Variants in SNCAIP observed in about 807,000 individuals in gnomAD.
SNCAIP encodes the protein synphilin-1.
In SNCAIP, 43 loss-of-function variants were observed where a neutral mutation model predicts 86.7. That is an observed-to-expected ratio of 0.50 (90% confidence interval 0.39 to 0.64). The LOEUF (loss-of-function observed/expected upper bound fraction) is 0.64, where lower values mean the gene tolerates loss of function less well. SNCAIP is among the 30% of genes least tolerant of loss of function. The pLI, the probability that SNCAIP is intolerant of heterozygous loss-of-function variation, is 0.00. For synonymous variants in SNCAIP, 417 were observed against 427.2 expected, an observed-to-expected ratio of 0.98 and a Z score of 0.29; for missense variants, 981 against 1,103.1, an observed-to-expected ratio of 0.89 and a Z score of 1.57.
chr5:122,451,311 G>A lies in SNCAIP; in HGVS notation c.2464G>A (p.Val822Met). The A allele has an allele frequency of 1.2e-6, 2 of 1,614,208 alleles. No homozygotes were observed. The highest frequency in any genetic ancestry group is 8.5e-7 in the Non-Finnish European group (1 of 1,180,040). Residue 822 changes from valine to methionine, a missense_variant, in exon 10 of 11, where the codon GTG becomes ATG. Val to Met is a conservative substitution (Grantham distance 21). Coordinates refer to ENST00000261368, the MANE Select transcript of SNCAIP (RefSeq NM_005460.4). ...ACTGAGAGTTACCTTTGAGGAGCCT[G>A]TGGTGCAGATGGAGCAGCCTAGCCT... Reference protein sequence around the residue: ...LKLRVTFEEPVVQMEQPSLEL... With the variant: ...LKLRVTFEEPMVQMEQPSLEL...
intron 1 of SNCAIP, among the ~76,000 whole-genome samples, chr5:122,344,043 A>G (rs1758108841): frequency 6.6e-6 from 1 of 152,180 alleles, no homozygotes; most frequent in African/African-American, 2.4e-5. Context: ...CAAAAATATT[A>G]CAACCCTGTG....
intron 10 of SNCAIP, among the ~76,000 whole-genome samples, chr5:122,460,546 C>G (rs150786602): frequency 6.6e-6 from 1 of 152,098 alleles, no homozygotes; most frequent in Non-Finnish European, 1.5e-5. Flanking sequence ...CTCTCACACA[C>G]GCACCTACAC....
chr5:122,440,815 TA>T (rs1176393260), intron 7 of SNCAIP, 61 bp downstream of exon 7: 1 of 1,452,774 alleles, frequency 6.9e-7, no homozygotes. Context: ...AACAAAACAT[TA>T]AAATTATGTT....
intron 10 of SNCAIP, chr5:122,452,936 C>G: frequency 6.5e-7 from 1 of 1,547,042 alleles, no homozygotes. Context: ...AAATGTACAG[C>G]AGCTGCATCA....
chr5:122,423,593 C>G lies in SNCAIP; in HGVS notation c.856C>G (p.Gln286Glu), dbSNP rs1372059191. The G allele has an allele frequency of 1.9e-6, 3 of 1,613,986 alleles. No individual in the cohort carries two copies. The highest frequency in any genetic ancestry group is 2.2e-5 in the South Asian group (2 of 91,090). Residue 286 changes from glutamine to glutamate, a missense_variant, in exon 4 of 11, where the codon CAA (glutamine) becomes GAA (glutamate). By Grantham distance (29) the Gln-to-Glu change is conservative. Transcript: ENST00000261368. Reference protein sequence around the residue: ...PDCQLRAFHLQSSAAESKPEE... With the variant: ...PDCQLRAFHLESSAAESKPEE... ...CTGCCAGCTCAGGGCCTTCCACCTACAATCCTCAGCAGCAGAATCCAAACC... is the reference window on the plus strand; with the variant it reads ...CTGCCAGCTCAGGGCCTTCCACCTAGAATCCTCAGCAGCAGAATCCAAACC...
chr5:122,380,483 A>G (rs980282113), intron 1 of SNCAIP, among the ~76,000 whole-genome samples: 1 of 150,226 alleles, frequency 6.7e-6, no homozygotes, highest in African/African-American at 2.5e-5. Context: ...GATCCTTTCA[A>G]AAAACCAGCT....
At chr5:122,346,842 A>C (rs1470813403) in intron 1 of SNCAIP, among the ~76,000 whole-genome samples, 2 of 151,778 alleles carry the variant, frequency 1.3e-5, no homozygotes, top group Non-Finnish European at 2.9e-5. Context: ...TAAGCCAAAA[A>C]GTCTGTTTTC....
At chr5:122,434,257 G>A (rs530906691) in intron 6 of SNCAIP, among the ~76,000 whole-genome samples, 7 of 152,198 alleles carry the variant, frequency 4.6e-5, no homozygotes, top group Non-Finnish European at 8.8e-5. Context: ...AAGGCTGCCT[G>A]CACTTTTGGT....
intron 1 of SNCAIP, among the ~76,000 whole-genome samples, chr5:122,355,854 C>T (rs1373369541): frequency 6.6e-6 from 1 of 152,136 alleles, no homozygotes; most frequent in African/African-American, 2.4e-5. Context: ...GCACATAACA[C>T]ACCAACAGAC....
chr5:122,403,986 C>A, intron 3 of SNCAIP, 121 bp downstream of exon 3: 1 of 732,544 alleles, frequency 1.4e-6, no homozygotes, highest in Non-Finnish European at 2.5e-6. Context: ...TACGGCTTCT[C>A]CACTCACACC....
chr5:122,329,392 G>T (rs2152691929), intron 1 of SNCAIP, among the ~76,000 whole-genome samples: 1 of 152,220 alleles, frequency 6.6e-6, no homozygotes, highest in South Asian at 2.1e-4. Flanking sequence ...GAACCTCCCG[G>T]TGTCTCCCAA....
chr5:122,351,178 C>T (rs147916361), intron 1 of SNCAIP, among the ~76,000 whole-genome samples: 2,316 of 152,176 alleles, frequency 0.015, 24 homozygotes, highest in Non-Finnish European at 0.024. Flanking sequence ...GATATCTTCT[C>T]GTTTTATTTT....
chr5:122,437,914 G>A (rs1321179007), intron 6 of SNCAIP, among the ~76,000 whole-genome samples: 2 of 152,062 alleles, frequency 1.3e-5, no homozygotes, highest in Non-Finnish European at 1.5e-5. Flanking sequence ...CTCTTATGAG[G>A]GGCAGTATTC....
chr5:122,401,633 A>T (rs1771829567), intron 2 of SNCAIP, among the ~76,000 whole-genome samples: 1 of 152,110 alleles, frequency 6.6e-6, no homozygotes, highest in South Asian at 2.1e-4. Flanking sequence ...CTTCACAGTT[A>T]TTGTTACCAG....
chr5:122,365,635 C>T (rs558130378), intron 1 of SNCAIP, among the ~76,000 whole-genome samples: 22 of 152,260 alleles, frequency 1.4e-4, no homozygotes, highest in African/African-American at 3.6e-4. Context: ...GCCAAGATTG[C>T]GCCACTGCAC....
intron 1 of SNCAIP, among the ~76,000 whole-genome samples, chr5:122,315,953 T>A (rs2152647982): frequency 6.6e-6 from 1 of 152,290 alleles, no homozygotes; most frequent in Middle Eastern, 3.4e-3. Context: ...ATTCTGAGAT[T>A]TAAAAATACT....
intron 1 of SNCAIP, among the ~76,000 whole-genome samples, chr5:122,340,822 C>T (rs1757432334): frequency 6.6e-6 from 1 of 152,188 alleles, no homozygotes; most frequent in Non-Finnish European, 1.5e-5. Flanking sequence ...TTTACTACTT[C>T]ATCACCTGTA....
At chr5:122,327,472 G>T (rs1316036854) in intron 1 of SNCAIP, among the ~76,000 whole-genome samples, 1 of 152,104 alleles carries the variant, frequency 6.6e-6, no homozygotes, top group Non-Finnish European at 1.5e-5. Flanking sequence ...TCAATGGAGG[G>T]ACCTGGTAGG....
At chr5:122,376,772 T>C (rs968275346) in intron 1 of SNCAIP, among the ~76,000 whole-genome samples, 2 of 152,144 alleles carry the variant, frequency 1.3e-5, no homozygotes, top group African/African-American at 4.8e-5. Flanking sequence ...TGAAAGAGAA[T>C]AGGGAAATTC....
Sources: allele counts gnomAD v4.1 joint callset (sites outside exome capture counted in the v4.1 genomes callset), GRCh38; gene constraint gnomAD v4.1.1; transcripts MANE v1.5; gene names NCBI Gene and HGNC (gene_info 2026-07-23, HGNC 2026-07-21).